The following THRB variants were observed in gnomAD, a reference collection of about 807,000 sequenced individuals.
The protein encoded by THRB is thyroid hormone receptor beta, also known as nuclear receptor subfamily 1 group A member 2.
Under a neutral mutation model 47.8 loss-of-function variants are expected in THRB, and 12 were observed. That is an observed-to-expected ratio of 0.25 (90% CI 0.16 to 0.41). The LOEUF is 0.41. THRB is among the 10% of genes least tolerant of loss of function. The pLI, the probability that THRB is intolerant of heterozygous loss-of-function variation, is 1.00. For missense variants in THRB, 348 were observed against 589.2 expected (o/e 0.59, Z 4.24); for synonymous variants, 218 against 212.2 (o/e 1.03, Z -0.24).
At chr3:24,205,429 C>A (rs374013984) in intron 4 of THRB, among the ~76,000 whole-genome samples, 5 of 152,244 alleles carry the variant, frequency 3.3e-5, no homozygotes, top group South Asian at 2.1e-4. Context: ...GAAATAAAAT[C>A]CTTTACAGAG....
intron 1 of THRB, among the ~76,000 whole-genome samples, chr3:24,344,918 C>A (rs1334148154): frequency 1.3e-5 from 2 of 152,072 alleles, no homozygotes; most frequent in African/African-American, 4.8e-5. Flanking sequence ...CTAAAGTACT[C>A]TGACTTTATT....
chr3:24,351,400 G>A (rs2063346006), intron 1 of THRB, among the ~76,000 whole-genome samples: 2 of 152,098 alleles, frequency 1.3e-5, no homozygotes, highest in African/African-American at 4.8e-5. Flanking sequence ...CACTTACTAA[G>A]ATGGTTTCCC....
chr3:24,379,533 G>A (rs758582812), intron 1 of THRB, among the ~76,000 whole-genome samples: 6 of 152,066 alleles, frequency 3.9e-5, no homozygotes, highest in Non-Finnish European at 8.8e-5. Context: ...TGTTGTCTGA[G>A]CCACTTTCCC....
At chr3:24,449,599 A>G (rs986374797) in intron 1 of THRB, among the ~76,000 whole-genome samples, 4 of 152,196 alleles carry the variant, frequency 2.6e-5, no homozygotes, top group Admixed American at 6.5e-5. Flanking sequence ...ACTGAAAGTC[A>G]TGTTAATGGT....
chr3:24,210,063 T>C (rs1020306280), intron 4 of THRB, among the ~76,000 whole-genome samples: 1 of 152,164 alleles, frequency 6.6e-6, no homozygotes, highest in African/African-American at 2.4e-5. Context: ...ATGTGGCATG[T>C]TTCTCTTGTA....
At chr3:24,233,099 T>G (rs1175909584) in intron 3 of THRB, among the ~76,000 whole-genome samples, 1 of 152,018 alleles carries the variant, frequency 6.6e-6, no homozygotes, top group African/African-American at 2.4e-5. Flanking sequence ...ATTGGAAGAG[T>G]AGAAAAGCAG....
At chr3:24,204,176 T>G (rs975433891) in intron 4 of THRB, among the ~76,000 whole-genome samples, 2 of 152,238 alleles carry the variant, frequency 1.3e-5, no homozygotes, top group African/African-American at 4.8e-5. Context: ...AGCATGGAGT[T>G]TGATATCTGA....
intron 1 of THRB, among the ~76,000 whole-genome samples, chr3:24,431,933 A>G (rs1417972961): frequency 1.3e-5 from 2 of 152,116 alleles, no homozygotes; most frequent in Non-Finnish European, 2.9e-5. Context: ...ACCCACAGAC[A>G]AGCCAAATTT....
At chr3:24,223,892 GT>G (rs11333610) in intron 4 of THRB, among the ~76,000 whole-genome samples, 1,869 of 143,978 alleles carry the variant, frequency 0.013, 37 homozygotes, top group African/African-American at 0.045. Context: ...CAATGTGTGT[GT>G]GGGGGGGGTA....
intron 2 of THRB, among the ~76,000 whole-genome samples, chr3:24,333,408 T>C (rs141662012): frequency 2.4e-3 from 360 of 152,328 alleles, no homozygotes; most frequent in Non-Finnish European, 3.9e-3. Context: ...GTCCCCGGAA[T>C]GGAGAAACAT....
intron 4 of THRB, among the ~76,000 whole-genome samples, chr3:24,218,823 C>T (rs1335752612): frequency 2.0e-5 from 3 of 152,284 alleles, no homozygotes; most frequent in Non-Finnish European, 4.4e-5. Context: ...CCTATGGGGA[C>T]TGCTCACCAG....
intron 1 of THRB, among the ~76,000 whole-genome samples, chr3:24,339,048 T>C (rs1382674783): frequency 1.3e-5 from 2 of 152,230 alleles, no homozygotes; most frequent in Non-Finnish European, 2.9e-5. Flanking sequence ...CTTGTGTTTG[T>C]AGCAGTTGTT....
intron 5 of THRB, among the ~76,000 whole-genome samples, chr3:24,176,026 T>G (rs575493206): frequency 2.0e-5 from 3 of 152,214 alleles, no homozygotes; most frequent in Non-Finnish European, 4.4e-5. Context: ...TGACTAATAA[T>G]GTGTTTCAAC....
intron 1 of THRB, among the ~76,000 whole-genome samples, chr3:24,434,961 G>C (rs908367523): frequency 2.6e-5 from 4 of 152,134 alleles, no homozygotes; most frequent in Non-Finnish European, 5.9e-5. Flanking sequence ...ATGAGGAATG[G>C]GGCATGTTCA....
chr3:24,233,564 A>AAGGAAGG (rs1559683437), intron 3 of THRB, among the ~76,000 whole-genome samples: 5 of 68,300 alleles, frequency 7.3e-5, no homozygotes, highest in Non-Finnish European at 1.3e-4. Context: ...AAAAAGGAAG[A>AAGGAAGG]AAGAAAGAAA....
chr3:24,445,279 T>C (rs2071956051), intron 1 of THRB, among the ~76,000 whole-genome samples: 1 of 151,974 alleles, frequency 6.6e-6, no homozygotes, highest in African/African-American at 2.4e-5. Flanking sequence ...TAAAATAAAA[T>C]AATAAAGGAT....
At chr3:24,135,862 A>G (rs1197700151) in intron 8 of THRB, among the ~76,000 whole-genome samples, 1 of 142,212 alleles carries the variant, frequency 7.0e-6, no homozygotes, top group Admixed American at 6.9e-5. Context: ...ATAAATATAT[A>G]TTAATTACAT....
At chr3:24,465,938 C>T (rs2074114251) in intron 1 of THRB, among the ~76,000 whole-genome samples, 1 of 152,118 alleles carries the variant, frequency 6.6e-6, no homozygotes, top group African/African-American at 2.4e-5. Context: ...CCATCTCCCC[C>T]TTCCATTTCT....
rs371355884 is a variant in THRB at position 24,435,299 on chromosome 3, A to G, written c.-261+59353T>C. 1.9e-4 allele frequency among the ~76,000 whole-genome samples: 29 copies of G among 152,296 alleles called. No homozygotes were observed. The South Asian group carries it at 6.0e-3, about 32-fold the overall frequency. On this transcript the variant is annotated intron_variant, in intron 1 of 10. Transcript: ENST00000646209. The stretch of plus-strand genomic sequence containing the variant: ...GAAAATCAGAACCCTAGAGAAAAGA[A>G]CCACTTGGGCAAAGTAAGGCAAGGA...
Sources: gnomAD v4.1 joint callset for allele counts (sites outside exome capture counted in the v4.1 genomes callset) on GRCh38, gnomAD v4.1.1 for gene constraint, MANE v1.5 for transcripts, NCBI Gene and HGNC (gene_info 2026-07-23, HGNC 2026-07-21) for gene names.